CCNY: variants seen among roughly 807,000 people sequenced by gnomAD.
CCNY encodes the protein cyclin-Y.
In CCNY, 19 loss-of-function variants were observed where a neutral mutation model predicts 42.8. That is an observed-to-expected ratio of 0.44 (90% CI 0.31 to 0.65). The LOEUF (loss-of-function observed/expected upper bound fraction) is 0.65. Among genes scored for constraint, CCNY ranks in the 30% least tolerant of loss-of-function variants. CCNY has a pLI of 0.07. For missense variants in CCNY, 370 were observed against 437.3 expected (o/e 0.85, Z 1.37); for synonymous variants, 165 against 162.7 (o/e 1.01, Z -0.11).
At chr10:35,274,438 T>C (rs1042506980) in intron 3 of CCNY, among the ~76,000 whole-genome samples, 1 of 152,114 alleles carries the variant, frequency 6.6e-6, no homozygotes, top group Non-Finnish European at 1.5e-5. Flanking sequence ...GGGGAGGGAA[T>C]ATCCCTGCAT....
chr10:35,503,113 C>G (rs916766365), intron 3 of CCNY, among the ~76,000 whole-genome samples: 1 of 152,152 alleles, frequency 6.6e-6, no homozygotes, highest in Non-Finnish European at 1.5e-5. Context: ...AGGCACACAC[C>G]TAACCTTGCC....
chr10:35,419,344 A>G (rs2135260560), intron 1 of CCNY, among the ~76,000 whole-genome samples: 1 of 152,232 alleles, frequency 6.6e-6, no homozygotes, highest in Non-Finnish European at 1.5e-5. Flanking sequence ...TAAGCAAAGA[A>G]ATGGTATGAA....
chr10:35,497,328 A>C (rs1034855724), intron 2 of CCNY, among the ~76,000 whole-genome samples: 1 of 152,266 alleles, frequency 6.6e-6, no homozygotes, highest in Non-Finnish European at 1.5e-5. Flanking sequence ...TAGCTAAAGC[A>C]TTTTGAATTT....
intron 1 of CCNY, among the ~76,000 whole-genome samples, chr10:35,454,592 G>T (rs568015957): frequency 3.3e-5 from 5 of 152,360 alleles, no homozygotes; most frequent in Non-Finnish European, 7.3e-5. Flanking sequence ...GTGTCAGTCC[G>T]ATGGCTTCCT....
At chr10:35,275,048 C>T (rs1314215906) in intron 3 of CCNY, among the ~76,000 whole-genome samples, 2 of 144,096 alleles carry the variant, frequency 1.4e-5, no homozygotes, top group African/African-American at 2.6e-5. Flanking sequence ...TTTGATTCAC[C>T]GTCATTCCTT....
chr10:35,533,860 A>G (rs1460351473), intron 7 of CCNY, among the ~76,000 whole-genome samples: 1 of 152,196 alleles, frequency 6.6e-6, no homozygotes, highest in African/African-American at 2.4e-5. Flanking sequence ...ATGAATGCTC[A>G]GTAAGTATTT....
intron 3 of CCNY, among the ~76,000 whole-genome samples, chr10:35,275,788 C>CTT (rs1835232568): frequency 1.3e-5 from 2 of 152,090 alleles, no homozygotes; most frequent in South Asian, 4.1e-4. Context: ...TGTGTCCAGT[C>CTT]TTATTGTACA....
At chr10:35,250,638 C>G in intron 3 of CCNY, 1 of 152,388 alleles carries the variant, frequency 6.6e-6, no homozygotes, top group Non-Finnish European at 1.5e-5. Flanking sequence ...TAAGCCCAGA[C>G]TGCTGTCAAG....
At chr10:35,498,912 A>C (rs1840055057) in intron 2 of CCNY, among the ~76,000 whole-genome samples, 1 of 152,234 alleles carries the variant, frequency 6.6e-6, no homozygotes, top group Non-Finnish European at 1.5e-5. Context: ...GCATAGAAGC[A>C]GTGAATGCCT....
chr10:35,503,402 C>T (rs1456444863), intron 3 of CCNY, among the ~76,000 whole-genome samples: 1 of 152,184 alleles, frequency 6.6e-6, no homozygotes, highest in Admixed American at 6.5e-5. Flanking sequence ...GCGTGACCCT[C>T]TAAACTGTGA....
intron 1 of CCNY, among the ~76,000 whole-genome samples, chr10:35,374,713 A>G (rs1207661901): frequency 6.6e-6 from 1 of 152,178 alleles, no homozygotes; most frequent in Non-Finnish European, 1.5e-5. Flanking sequence ...TCTCTGAATC[A>G]TTTTGTATTT....
chr10:35,272,319 G>A (rs113749840), intron 3 of CCNY, among the ~76,000 whole-genome samples: 5,336 of 151,822 alleles, frequency 0.035, 285 homozygotes, highest in African/African-American at 0.12. Context: ...TACATTCAGG[G>A]GTACATGTGC....
intron 1 of CCNY, among the ~76,000 whole-genome samples, chr10:35,373,245 A>G (rs1255433038): frequency 6.6e-6 from 1 of 152,204 alleles, no homozygotes; most frequent in Non-Finnish European, 1.5e-5. Context: ...GGGGATAATG[A>G]AACCTACTTC....
Position 35,519,686 on chromosome 10 carries a change from G to A in CCNY, c.365+3063G>A, listed in dbSNP as rs113965852. Among the ~76,000 whole-genome samples, 514 of 147,980 alleles carry A rather than the reference G, an allele frequency of 3.5e-3. 4 individuals are homozygous for A. Among genetic ancestry groups the A allele is most frequent in the African/African-American group, 0.012 (484 of 40,194 alleles). On this transcript the variant is annotated intron_variant, in intron 4 of 9. Transcript: ENST00000374704. ...TGTAGATTCTGGGCTTCCCTGATCC[G>A]AAGACATGGTCTCTGCACTGCACAC... is the stretch of plus-strand genomic sequence containing the variant.
At chr10:35,410,992 G>C (rs1483091020) in intron 1 of CCNY, among the ~76,000 whole-genome samples, 1 of 152,134 alleles carries the variant, frequency 6.6e-6, no homozygotes, top group East Asian at 1.9e-4. Flanking sequence ...TGAAGGGTGA[G>C]GGCTTTTAAC....
intron 3 of CCNY, among the ~76,000 whole-genome samples, chr10:35,506,555 C>T (rs1332765849): frequency 6.6e-6 from 1 of 152,136 alleles, no homozygotes; most frequent in Non-Finnish European, 1.5e-5. Context: ...TCTGTTTCTT[C>T]TTCACCCCTT....
chr10:35,394,650 T>C (rs1589087189), intron 1 of CCNY, among the ~76,000 whole-genome samples: 1 of 152,258 alleles, frequency 6.6e-6, no homozygotes. Flanking sequence ...GCTGGTCTTT[T>C]GGTATGCTGT....
intron 3 of CCNY, among the ~76,000 whole-genome samples, chr10:35,284,381 C>T (rs879453639): frequency 3.3e-5 from 5 of 152,108 alleles, no homozygotes; most frequent in East Asian, 1.9e-4. Context: ...TTTGTGTAAT[C>T]GCTTCCTCCT....
chr10:35,427,512 C>T (rs1838296102), intron 1 of CCNY, among the ~76,000 whole-genome samples: 1 of 152,214 alleles, frequency 6.6e-6, no homozygotes, highest in East Asian at 1.9e-4. Flanking sequence ...TCTGTTTTGT[C>T]GAAGCCTTGT....
Sources: gnomAD v4.1 joint callset for allele counts (sites outside exome capture counted in the v4.1 genomes callset) on GRCh38, gnomAD v4.1.1 for gene constraint, MANE v1.5 for transcripts, NCBI Gene and HGNC (gene_info 2026-07-23, HGNC 2026-07-21) for gene names.